The following EPN1 variants were observed in gnomAD, a reference collection of about 807,000 sequenced individuals.
EPN1 encodes epsin-1.
Under a neutral mutation model 56.9 loss-of-function variants are expected in EPN1, and 25 were observed. The observed-to-expected ratio is 0.44, with a 90% CI of 0.32 to 0.61. EPN1 has a LOEUF of 0.61. Among genes scored for constraint, EPN1 ranks in the 20% least tolerant of loss-of-function variants. EPN1 has a pLI of 0.05. For missense variants in EPN1, 785 were observed against 823.7 expected (o/e 0.95, Z 0.58); for synonymous variants, 411 against 361.8 (o/e 1.14, Z -1.54).
intron 2 of EPN1, among the ~76,000 whole-genome samples, chr19:55,682,902 ACT>A (rs1985913306): frequency 1.3e-5 from 2 of 149,212 alleles, no homozygotes; most frequent in African/African-American, 2.5e-5. Flanking sequence ...GATTACAGGT[ACT>A]TGCCACCACG....
In EPN1 at chr19:55,692,065, C is replaced by A; in HGVS notation, c.1066+8C>A. 7.0e-7 allele frequency: 1 copy of A among 1,429,240 alleles called. No individual in the cohort carries two copies. Among genetic ancestry groups the A allele is most frequent in the East Asian group, 2.6e-5 (1 of 38,398 alleles). 88.5% of individuals were successfully genotyped at this position (1,429,240 alleles called of 1,614,324 possible). A position where few individuals can be genotyped will look rare whatever the true frequency, so the allele number is the denominator to read the frequency against. ...CATGGGGAAGTTCCGATGGTGAGTGCGTGGCCCACTTGCATGCAGCCCCTA... is the reference window on the plus strand; with the variant it reads ...CATGGGGAAGTTCCGATGGTGAGTGAGTGGCCCACTTGCATGCAGCCCCTA... On this transcript the variant is annotated splice_region_variant and intron_variant, in intron 7 of 10. Coordinates refer to ENST00000270460, the MANE Select transcript of EPN1 (RefSeq NM_001130072.2).
Position 55,708,144 on chromosome 19 carries a change from G to A in EPN1, c.*12788G>A, listed in dbSNP as rs1029021471. The stretch of plus-strand genomic sequence containing the variant: ...CAGGAGTGTGCCAAGAGATCCAAGA[G>A]TAGGTCCACAATTTCTCATTCTCAG... On this transcript the variant is annotated 3_prime_UTR_variant, in exon 11 of 11. Coordinates refer to ENST00000270460, the MANE Select transcript of EPN1 (RefSeq NM_001130072.2). 3.3e-5 allele frequency: 5 copies of A among 152,136 alleles called. No homozygotes were observed. Among genetic ancestry groups the A allele is most frequent in the Non-Finnish European group, 7.4e-5 (5 of 68,018 alleles). 9.4% of individuals were successfully genotyped at this position (152,136 alleles called of 1,614,324 possible).
intron 2 of EPN1, among the ~76,000 whole-genome samples, chr19:55,684,253 T>G (rs1600099657): frequency 1.3e-5 from 2 of 152,172 alleles, no homozygotes; most frequent in South Asian, 2.1e-4. Flanking sequence ...AGACGGAGCT[T>G]AGCTGTGATA....
chr19:55,695,703 C>T lies in EPN1; in HGVS notation c.*347C>T, dbSNP rs774219702. ...CCTCACGCACCCGCTCACGCACCCT[C>T]GGTGAATCCTTGGTGATGATTTTGG... On this transcript the variant is annotated 3_prime_UTR_variant, in exon 11 of 11. Transcript: ENST00000270460. This position sits in a 1 kb window ranked among gnomAD's most constrained non-coding sequence, Gnocchi z 4.4. The T allele has an allele frequency of 2.8e-5, 8 of 282,914 alleles. No individual in the cohort carries two copies. The highest frequency in any genetic ancestry group is 1.1e-4 in the African/African-American group (5 of 45,718). 17.5% of individuals were successfully genotyped at this position (282,914 alleles called of 1,614,324 possible).
chr19:55,689,013 G>A lies in EPN1; in HGVS notation c.603+19G>A. On this transcript the variant is annotated intron_variant, in intron 4 of 10. Transcript: ENST00000270460. This position sits in a 1 kb window ranked among gnomAD's most constrained non-coding sequence, Gnocchi z 5.7. ...CGACCAGGTACTGGGCGTGCAGCTG[G>A]GGCTGTCTGTCCGCCACCCGCCTCC... The A allele has an allele frequency of 6.3e-7, 1 of 1,578,714 alleles. No homozygotes were observed. The highest frequency in any genetic ancestry group is 8.6e-7 in the Non-Finnish European group (1 of 1,165,476).
intron 3 of EPN1, among the ~76,000 whole-genome samples, chr19:55,687,175 C>T (rs1304260130): frequency 6.6e-6 from 1 of 152,172 alleles, no homozygotes; most frequent in Non-Finnish European, 1.5e-5. Context: ...CTTTTCATTT[C>T]TTCCAACCAT....
Position 55,691,764 on chromosome 19 carries a change from T to C in EPN1, c.773T>C (p.Met258Thr). The C allele has an allele frequency of 6.2e-7, 1 of 1,612,554 alleles. No homozygotes were observed. The highest frequency in any genetic ancestry group is 8.5e-7 in the Non-Finnish European group (1 of 1,179,208). ...CTCTCTCCCCCACAGTCGTCCCTCA[T>C]GGACCTTGCTGACGTCTTCACGGCC... ...ETGGKEESSL[M>T]DLADVFTAPA... is the part of the protein sequence containing the mutation. The change falls in exon 7 of 11, where the codon ATG becomes ACG. Residue 258 changes from methionine (M) to threonine (T), a missense_variant. By Grantham distance (81) the Met-to-Thr change is moderately conservative. This residue lies in a region of EPN1 where 650 missense variants were observed against 605.0 expected (regional missense o/e 1.07). Transcript: ENST00000270460. This position sits in a 1 kb window ranked among gnomAD's most constrained non-coding sequence, Gnocchi z 5.6.
At chr19:55,678,914 C>A in intron 2 of EPN1, 59 bp downstream of exon 2, 1 of 1,252,350 alleles carries the variant, frequency 8.0e-7, no homozygotes. Flanking sequence ...AGGACAGGAG[C>A]CCGTGTTGTG....
rs1376137819 is a variant in EPN1 at position 55,704,602 on chromosome 19, T to G, written c.*9246T>G. The G allele has an allele frequency of 2.0e-5, 3 of 152,258 alleles. No individual in the cohort carries two copies. In the East Asian group the frequency reaches 5.8e-4, roughly 29 times the overall value. 9.4% of individuals were successfully genotyped at this position (152,258 alleles called of 1,614,324 possible). A position where few individuals can be genotyped will look rare whatever the true frequency, so the allele number is the denominator to read the frequency against. On this transcript the variant is annotated 3_prime_UTR_variant, in exon 11 of 11. Coordinates refer to ENST00000270460, the MANE Select transcript of EPN1 (RefSeq NM_001130072.2). ...GCTCCCAGCTGGCGGTACTTTGTTA[T>G]GACAGCCCTAACATGAATGCAGCCA...
At chr19:55,680,219 T>TA in intron 2 of EPN1, among the ~76,000 whole-genome samples, 2 of 152,298 alleles carry the variant, frequency 1.3e-5, no homozygotes, top group African/African-American at 4.8e-5. Flanking sequence ...CCTTTCGAGA[T>TA]AGAGTTCTCT....
chr19:55,689,191 A>G lies in EPN1; in HGVS notation c.604-106A>G. The G allele has an allele frequency of 8.8e-7, 1 of 1,132,238 alleles. No individual in the cohort carries two copies. The highest frequency in any genetic ancestry group is 1.3e-6 in the Non-Finnish European group (1 of 785,868). 70.1% of individuals were successfully genotyped at this position (1,132,238 alleles called of 1,614,324 possible). A position where few individuals can be genotyped will look rare whatever the true frequency, so the allele number is the denominator to read the frequency against. ...CTCTCTGCCTGTCCCTCACTGGTTC[A>G]GGGACCCCCAGCCCTCTCTTTCTTC... On this transcript the variant is annotated intron_variant, in intron 4 of 10. Transcript: ENST00000270460. This position sits in a 1 kb window ranked among gnomAD's most constrained non-coding sequence, Gnocchi z 5.7.
Position 55,700,819 on chromosome 19 carries a change from C to A in EPN1, c.*5463C>A, listed in dbSNP as rs1223884935. 2 of 152,290 alleles carry A rather than the reference C, an allele frequency of 1.3e-5. No homozygotes were observed. Among genetic ancestry groups the A allele is most frequent in the Non-Finnish European group, 2.9e-5 (2 of 68,082 alleles). 9.4% of individuals were successfully genotyped at this position (152,290 alleles called of 1,614,324 possible). On this transcript the variant is annotated 3_prime_UTR_variant, in exon 11 of 11. Transcript: ENST00000270460. The stretch of plus-strand genomic sequence containing the variant: ...TGGGGGTAACCCCTACAGCAGTTAA[C>A]CCTGCGTGCTCAGAGGGGAATGAAA...
chr19:55,693,669 C>T (rs938464470), intron 9 of EPN1, among the ~76,000 whole-genome samples: 1 of 152,182 alleles, frequency 6.6e-6, no homozygotes, highest in East Asian at 1.9e-4. Flanking sequence ...TGAGTCAGGT[C>T]AGCCTTGATC....
In EPN1 at chr19:55,697,481, G is replaced by T. The variant is rs1212134539; in HGVS notation, c.*2125G>T. 1 of 152,152 alleles carries T rather than the reference G, an allele frequency of 6.6e-6. No homozygotes were observed. The highest frequency in any genetic ancestry group is 2.4e-5 in the African/African-American group (1 of 41,436). The allele number at this position is 152,152 out of a possible 1,614,324, so 9.4% of individuals were successfully genotyped here. A position where few individuals can be genotyped will look rare whatever the true frequency, so the allele number is the denominator to read the frequency against. ...AGGACGAAGATAAAATGATACAGTT[G>T]GATTAGTCCAGTGGAGGGGTTAAAG... On this transcript the variant is annotated 3_prime_UTR_variant, in exon 11 of 11. Transcript: ENST00000270460.
rs555448267 is a variant in EPN1 at position 55,689,050 on chromosome 19, C to G, written c.603+56C>G. The G allele has an allele frequency of 1.1e-4, 164 of 1,522,104 alleles. 1 individual carries two copies. In the South Asian group the frequency reaches 2.0e-3, roughly 18 times the overall value. The allele number at this position is 1,522,104 out of a possible 1,614,324, so 94.3% of individuals were successfully genotyped here. A position where few individuals can be genotyped will look rare whatever the true frequency, so the allele number is the denominator to read the frequency against. On this transcript the variant is annotated intron_variant, in intron 4 of 10. Transcript: ENST00000270460. This position sits in a 1 kb window ranked among gnomAD's most constrained non-coding sequence, Gnocchi z 5.7. Reference sequence around the variant, plus strand: ...CGCCACCCGCCTCCACGCCTCACTTCAGGCTCCCTCCCAGCCAGGCGTGGG... The same window carrying G: ...CGCCACCCGCCTCCACGCCTCACTTGAGGCTCCCTCCCAGCCAGGCGTGGG...
Position 55,696,156 on chromosome 19 carries a change from A to G in EPN1, c.*800A>G, listed in dbSNP as rs1266671562. The G allele has an allele frequency of 6.6e-6, 1 of 152,308 alleles. No individual in the cohort carries two copies. Among genetic ancestry groups the G allele is most frequent in the Non-Finnish European group, 1.5e-5 (1 of 68,198 alleles). The allele number at this position is 152,308 out of a possible 1,614,324, so 9.4% of individuals were successfully genotyped here. A position where few individuals can be genotyped will look rare whatever the true frequency, so the allele number is the denominator to read the frequency against. ...GTCGCCATCGCCCGGGCCCACCGCA[A>G]GCATCACTAATCCATCCCTGCACTC... On this transcript the variant is annotated 3_prime_UTR_variant, in exon 11 of 11. Coordinates refer to ENST00000270460, the MANE Select transcript of EPN1 (RefSeq NM_001130072.2).
intron 2 of EPN1, among the ~76,000 whole-genome samples, chr19:55,679,957 A>G (rs1409536222): frequency 6.6e-6 from 1 of 152,148 alleles, no homozygotes; most frequent in Non-Finnish European, 1.5e-5. Flanking sequence ...AGAGGGGATG[A>G]ATCCAGAGGG....
At chr19:55,677,727 C>G in intron 1 of EPN1, 1 of 1,544,214 alleles carries the variant, frequency 6.5e-7, no homozygotes, top group Non-Finnish European at 8.7e-7. Flanking sequence ...TTCTTCCTGC[C>G]GCCCTGGGTT....
At chr19:55,690,473 C>T (rs569885136) in intron 6 of EPN1, among the ~76,000 whole-genome samples, 2 of 152,376 alleles carry the variant, frequency 1.3e-5, no homozygotes, top group East Asian at 3.9e-4. Context: ...CCAGGTCACG[C>T]TTCAGTACTT....
Sources: allele counts gnomAD v4.1 joint callset (sites outside exome capture counted in the v4.1 genomes callset), GRCh38; gene constraint gnomAD v4.1.1; regional missense constraint gnomAD v4.1.1; non-coding constraint Gnocchi (gnomAD v3.1); transcripts MANE v1.5; gene names NCBI Gene and HGNC (gene_info 2026-07-23, HGNC 2026-07-21).